The following WIF1 variants were observed in gnomAD, a reference collection of about 807,000 sequenced individuals.
WIF1 encodes Wnt inhibitory factor 1.
WIF1 carries 35 observed loss-of-function variants against 53.5 expected under a neutral mutation model. That is an observed-to-expected ratio of 0.65 (90% CI 0.50 to 0.87). WIF1 has a LOEUF of 0.87. WIF1 is among the 40% of genes least tolerant of loss of function. The pLI is 0.00. For missense variants in WIF1, 467 were observed against 476.8 expected (o/e 0.98, Z 0.19); for synonymous variants, 171 against 170.4 (o/e 1.00, Z -0.03).
At chr12:65,079,369 T>C (rs576128792) in intron 2 of WIF1, among the ~76,000 whole-genome samples, 18 of 152,078 alleles carry the variant, frequency 1.2e-4, no homozygotes, top group Non-Finnish European at 2.5e-4. Context: ...TTCAAAATTG[T>C]AAAACCCTCC....
chr12:65,076,689 A>G (rs1882866290), intron 3 of WIF1, among the ~76,000 whole-genome samples: 1 of 152,144 alleles, frequency 6.6e-6, no homozygotes, highest in Non-Finnish European at 1.5e-5. Flanking sequence ...TAGGGCTCCT[A>G]TGTGCATGGA....
intron 9 of WIF1, among the ~76,000 whole-genome samples, chr12:65,054,817 T>A (rs992274075): frequency 1.3e-5 from 2 of 152,238 alleles, no homozygotes; most frequent in Non-Finnish European, 2.9e-5. Context: ...CAACCTGTAT[T>A]ACTAATTTAG....
At chr12:65,063,195 G>T (rs1258238103) in intron 6 of WIF1, among the ~76,000 whole-genome samples, 1 of 152,188 alleles carries the variant, frequency 6.6e-6, no homozygotes, top group Non-Finnish European at 1.5e-5. Flanking sequence ...GGATGATGAA[G>T]TTGGCTGTAT....
chr12:65,062,520 T>C lies in WIF1; in HGVS notation c.787A>G (p.Ile263Val), dbSNP rs773788021. Residue 263 changes from isoleucine to valine, a missense_variant, in exon 7 of 10, where the codon ATT becomes GTT. Coordinates refer to ENST00000286574, the MANE Select transcript of WIF1 (RefSeq NM_007191.5). ...TCTCCCTCTAGTCCTGGAGGGCAAA[T>C]ACATTTTCCAGGGTAGAAACAGGTC... ...GGTCFYPGKC[I>V]CPPGLEGEQC... 8.1e-6 allele frequency: 13 copies of C among 1,608,866 alleles called. No homozygotes were observed. In the East Asian group the frequency reaches 2.5e-4, roughly 30 times the overall value.
chr12:65,121,032 C>T lies in WIF1; in HGVS notation c.148+12G>A, dbSNP rs1565763735. 3.4e-6 allele frequency: 5 copies of T among 1,450,180 alleles called. No individual in the cohort carries two copies. Among genetic ancestry groups the T allele is most frequent in the Non-Finnish European group, 4.6e-6 (5 of 1,090,268 alleles). 89.8% of individuals were successfully genotyped at this position (1,450,180 alleles called of 1,614,324 possible). A position where few individuals can be genotyped will look rare whatever the true frequency, so the allele number is the denominator to read the frequency against. ...CATAGGCAGGGGAAGGCGCTGGAGG[C>T]GGGGGCCTTACCTATGAGTACTCTT... On this transcript the variant is annotated intron_variant, in intron 1 of 9. Coordinates refer to ENST00000286574, the MANE Select transcript of WIF1 (RefSeq NM_007191.5).
chr12:65,089,976 G>T (rs1326806207), intron 2 of WIF1, among the ~76,000 whole-genome samples: 3 of 152,024 alleles, frequency 2.0e-5, no homozygotes, highest in Admixed American at 1.3e-4. Flanking sequence ...TCTAAAAAAT[G>T]AATGCAAACT....
chr12:65,111,859 C>T (rs927508536), intron 2 of WIF1, among the ~76,000 whole-genome samples: 1 of 152,210 alleles, frequency 6.6e-6, no homozygotes, highest in Non-Finnish European at 1.5e-5. Flanking sequence ...GTCCCTTTGT[C>T]CCAGGCCTAC....
At chr12:65,058,376 T>C (rs1387263745) in intron 7 of WIF1, among the ~76,000 whole-genome samples, 1 of 152,132 alleles carries the variant, frequency 6.6e-6, no homozygotes, top group Non-Finnish European at 1.5e-5. Flanking sequence ...CTATGAGGGG[T>C]GAAGTTGGTA....
chr12:65,063,290 TCTGGAATTTCA>T (rs1882641079), intron 6 of WIF1, among the ~76,000 whole-genome samples: 1 of 152,186 alleles, frequency 6.6e-6, no homozygotes, highest in Admixed American at 6.5e-5. Flanking sequence ...AGTGTCAGTT[TCTGGAATTTCA>T]CTGCTCACTA....
intron 2 of WIF1, among the ~76,000 whole-genome samples, chr12:65,090,905 G>A (rs752748013): frequency 7.2e-5 from 11 of 152,098 alleles, no homozygotes; most frequent in Non-Finnish European, 7.4e-5. Flanking sequence ...ATAGAAAAAA[G>A]CAGCTTGGAG....
At chr12:65,074,096 T>C (rs1565752183) in intron 3 of WIF1, among the ~76,000 whole-genome samples, 1 of 152,218 alleles carries the variant, frequency 6.6e-6, no homozygotes, top group Non-Finnish European at 1.5e-5. Flanking sequence ...CATGATCTAT[T>C]AAAATATCCT....
Position 65,121,038 on chromosome 12 carries a change from C to T in WIF1, c.148+6G>A, listed in dbSNP as rs939534653. 1 of 1,465,874 alleles carries T rather than the reference C, an allele frequency of 6.8e-7. No individual in the cohort carries two copies. Among genetic ancestry groups the T allele is most frequent in the Admixed American group, 2.3e-5 (1 of 43,236 alleles). The allele number at this position is 1,465,874 out of a possible 1,614,324, so 90.8% of individuals were successfully genotyped here. A position where few individuals can be genotyped will look rare whatever the true frequency, so the allele number is the denominator to read the frequency against. On this transcript the variant is annotated splice_donor_region_variant and intron_variant, in intron 1 of 9. Transcript: ENST00000286574. The stretch of plus-strand genomic sequence containing the variant: ...CAGGGGAAGGCGCTGGAGGCGGGGG[C>T]CTTACCTATGAGTACTCTTGCCTGG...
At chr12:65,058,968 C>T (rs1156524604) in intron 7 of WIF1, among the ~76,000 whole-genome samples, 1 of 152,056 alleles carries the variant, frequency 6.6e-6, no homozygotes, top group Non-Finnish European at 1.5e-5. Flanking sequence ...AGAAGAATCG[C>T]TTGAACCTGG....
At chr12:65,074,081 C>G (rs1021871796) in intron 3 of WIF1, among the ~76,000 whole-genome samples, 2 of 152,142 alleles carry the variant, frequency 1.3e-5, no homozygotes, top group Non-Finnish European at 2.9e-5. Flanking sequence ...GATGTTCTAT[C>G]TAAACATGAT....
At chr12:65,056,566 C>G (rs1882532095) in intron 7 of WIF1, among the ~76,000 whole-genome samples, 1 of 151,576 alleles carries the variant, frequency 6.6e-6, no homozygotes, top group African/African-American at 2.4e-5. Flanking sequence ...TTAACTGACT[C>G]ACAAATACTT....
intron 2 of WIF1, chr12:65,095,842 C>G (rs1351179906): frequency 1.3e-5 from 2 of 152,104 alleles, no homozygotes; most frequent in African/African-American, 4.8e-5. Context: ...ATTCATGAAG[C>G]ATTCCATATT....
intron 5 of WIF1, 104 bp downstream of exon 5, chr12:65,067,590 AG>A: frequency 8.2e-7 from 1 of 1,215,220 alleles, no homozygotes; most frequent in South Asian, 1.3e-5. Context: ...CCCTGTGACC[AG>A]GAAAATAATT....
In WIF1 at chr12:65,068,798, A is replaced by G. The variant is rs1882728195; in HGVS notation, c.504T>C (p.Pro168=). 2 of 1,613,468 alleles carry G rather than the reference A, an allele frequency of 1.2e-6. No homozygotes were observed. Among genetic ancestry groups the G allele is most frequent in the East Asian group, 2.2e-5 (1 of 44,876 alleles). The change falls in exon 4 of 10, where the codon CCT becomes CCC. Residue 168 remains proline (P), a synonymous_variant. Coordinates refer to ENST00000286574, the MANE Select transcript of WIF1 (RefSeq NM_007191.5). ...ATGTTTTAAAGAAGATAGCATTTTG[A>G]GGTGTTTGGAGAATGGTGTTGCCTT... ...NSEGNTILQT[P]QNAIFFKTCQ...
intron 3 of WIF1, among the ~76,000 whole-genome samples, chr12:65,072,833 C>T (rs1162591965): frequency 6.6e-6 from 1 of 152,070 alleles, no homozygotes; most frequent in East Asian, 1.9e-4. Context: ...GCCATTGTTC[C>T]CAAACGCTAG....
Sources: allele counts gnomAD v4.1 joint callset (sites outside exome capture counted in the v4.1 genomes callset), GRCh38; gene constraint gnomAD v4.1.1; transcripts MANE v1.5; gene names NCBI Gene and HGNC (gene_info 2026-07-23, HGNC 2026-07-21).